The following CTSC variants were observed in gnomAD, a reference collection of about 807,000 sequenced individuals.
CTSC encodes the protein cathepsin C.
A neutral mutation model predicts 40.9 loss-of-function variants in CTSC; 37 were observed. The ratio of observed to expected loss-of-function variants is 0.91; its 90% CI spans 0.70 to 1.19. CTSC has a LOEUF of 1.19. Among genes scored for constraint, CTSC ranks in the 50% most tolerant of loss-of-function variants. The pLI, the probability that CTSC is intolerant of heterozygous loss-of-function variation, is 0.00. For missense variants in CTSC, 594 were observed against 567.3 expected (o/e 1.05, Z -0.48); for synonymous variants, 232 against 207.4 (o/e 1.12, Z -1.02).
chr11:88,312,634 A>G (rs573053375), intron 2 of CTSC, 80 bp from the exon 3 acceptor site: 3 of 1,430,992 alleles, frequency 2.1e-6, no homozygotes, highest in African/African-American at 2.1e-5. Context: ...TCTCATTCAC[A>G]GTAAATGTGC....
rs1944275442 is a variant in CTSC, at chr11:88,294,349, C to A, written c.1049G>T (p.Gly350Val). The A allele has an allele frequency of 6.2e-7, 1 of 1,614,118 alleles. No individual in the cohort carries two copies. Among genetic ancestry groups the A allele is most frequent in the Non-Finnish European group, 8.5e-7 (1 of 1,180,024 alleles). ...GGCTTCATTGCAGCCTCCATAGAAACCTCCTACATAGTGGTACTCAGAGGA... is the reference window on the plus strand; with the variant it reads ...GGCTTCATTGCAGCCTCCATAGAAAACTCCTACATAGTGGTACTCAGAGGA... ...YYSSEYHYVGGFYGGCNEALM... is the reference protein window; with the variant it reads ...YYSSEYHYVGVFYGGCNEALM... Residue 350 changes from glycine (G) to valine (V), a missense_variant, in exon 7 of 7, where the codon GGT becomes GTT. Transcript: ENST00000227266.
At chr11:88,316,305 T>A (rs1213009287) in intron 2 of CTSC, among the ~76,000 whole-genome samples, 1 of 152,112 alleles carries the variant, frequency 6.6e-6, no homozygotes, top group East Asian at 1.9e-4. Context: ...TTCAGTTTCC[T>A]CATCTTTAAA....
At chr11:88,324,674 T>A in intron 2 of CTSC, 1 of 984,914 alleles carries the variant, frequency 1.0e-6, no homozygotes, top group Non-Finnish European at 1.2e-6. Context: ...TGCTACCCAA[T>A]CACTCCATTA....
chr11:88,294,560 C>T (rs1176299286), intron 6 of CTSC, 52 bp from the exon 7 acceptor site: 2 of 1,603,068 alleles, frequency 1.2e-6, no homozygotes, highest in South Asian at 1.1e-5. Context: ...AGGATTATCC[C>T]ATTTTCTATT....
chr11:88,319,702 T>G (rs1025066086), intron 2 of CTSC, among the ~76,000 whole-genome samples: 1 of 152,164 alleles, frequency 6.6e-6, no homozygotes, highest in South Asian at 2.1e-4. Flanking sequence ...ATTTCACATT[T>G]TATAACAAAT....
chr11:88,296,755 C>A, intron 5 of CTSC: 1 of 200,082 alleles, frequency 5.0e-6, no homozygotes, highest in South Asian at 8.7e-5. Context: ...GGAGGTGGGG[C>A]CTTTGGGATT....
At chr11:88,307,696 T>C (rs145088127) in intron 4 of CTSC, among the ~76,000 whole-genome samples, 2 of 151,418 alleles carry the variant, frequency 1.3e-5, no homozygotes, top group Non-Finnish European at 2.9e-5. Flanking sequence ...CAAATGAAGA[T>C]GAAAAATGAA....
At chr11:88,334,681 C>G in intron 2 of CTSC, 1 of 417,252 alleles carries the variant, frequency 2.4e-6, no homozygotes, top group South Asian at 3.0e-5. Context: ...AGAATTTAGT[C>G]ATACTTACCA....
At position 88,334,884 on chromosome 11, in the gene CTSC, G is replaced by T. The variant is rs217076; in HGVS notation, c.318+53C>A. 0.78 allele frequency: 1,065,611 copies of T among 1,371,508 alleles called. 416,744 individuals carry two copies. The highest frequency in any genetic ancestry group is 1 in the East Asian group (43,697 of 43,724). 85.0% of individuals were successfully genotyped at this position (1,371,508 alleles called of 1,614,324 possible). A position where few individuals can be genotyped will look rare whatever the true frequency, so the allele number is the denominator to read the frequency against. ...TCTGAGGGTCTACTAATCAGAAGAG[G>T]TTTCAGATATCAAATCATTGAAAAT... On this transcript the variant is annotated intron_variant, in intron 2 of 6. Transcript: ENST00000227266.
rs182151488 is a variant in CTSC at position 88,301,394 on chromosome 11, T to C, written c.642-749A>G. Among the ~76,000 whole-genome samples, 151 of 152,304 alleles carry C rather than the reference T, an allele frequency of 9.9e-4. 1 individual carries two copies. Among genetic ancestry groups the C allele is most frequent in the Admixed American group, 1.8e-3 (28 of 15,304 alleles). ...ACCAATGGGAAACCTCTAGACGGTA[T>C]TGAAACCCCAGAAAATTCTGTAACC... is the stretch of plus-strand genomic sequence containing the variant. On this transcript the variant is annotated intron_variant, in intron 4 of 6. Coordinates refer to ENST00000227266, the MANE Select transcript of CTSC (RefSeq NM_001814.6).
chr11:88,337,180 G>T (rs1485250536), intron 1 of CTSC, among the ~76,000 whole-genome samples: 1 of 152,146 alleles, frequency 6.6e-6, no homozygotes, highest in Non-Finnish European at 1.5e-5. Flanking sequence ...TACCAGATCG[G>T]ACTGGAGAAC....
chr11:88,294,643 C>T, intron 6 of CTSC, 135 bp from the exon 7 acceptor site: 4 of 963,598 alleles, frequency 4.2e-6, no homozygotes, highest in African/African-American at 3.2e-5. Flanking sequence ...TCACTTCATT[C>T]ATCCATCCAT....
chr11:88,334,011 A>T (rs1431101315), intron 2 of CTSC, among the ~76,000 whole-genome samples: 1 of 152,226 alleles, frequency 6.6e-6, no homozygotes, highest in East Asian at 1.9e-4. Flanking sequence ...AACTCCCATG[A>T]GAAATTATAA....
chr11:88,306,585 AGAG>A (rs1470961931), intron 4 of CTSC, among the ~76,000 whole-genome samples: 5 of 152,314 alleles, frequency 3.3e-5, no homozygotes, highest in East Asian at 3.9e-4. Flanking sequence ...ATTTGAACCC[AGAG>A]GAGAACAGGA....
At chr11:88,309,347 T>TA in intron 3 of CTSC, 29 bp from the exon 4 acceptor site, 8 of 1,575,144 alleles carry the variant, frequency 5.1e-6, no homozygotes, top group Non-Finnish European at 7.0e-6. Flanking sequence ...TAATTTCAGA[T>TA]ATAGTCTTTA....
In CTSC at chr11:88,293,647, T is replaced by C. The variant is rs1477145785; in HGVS notation, c.*359A>G. On this transcript the variant is annotated 3_prime_UTR_variant, in exon 7 of 7. Coordinates refer to ENST00000227266, the MANE Select transcript of CTSC (RefSeq NM_001814.6). ...ATATGAGCATCTATTTTAAAAGTTT[T>C]GATAATTATTGCCATTATTTTCTTG... The C allele has an allele frequency of 4.1e-6, 1 of 241,574 alleles. No homozygotes were observed. Among genetic ancestry groups the C allele is most frequent in the Non-Finnish European group, 8.2e-6 (1 of 122,614 alleles). 15.0% of individuals were successfully genotyped at this position (241,574 alleles called of 1,614,324 possible).
chr11:88,318,256 A>G (rs890204811), intron 2 of CTSC, among the ~76,000 whole-genome samples: 9 of 152,234 alleles, frequency 5.9e-5, no homozygotes, highest in Non-Finnish European at 7.3e-5. Flanking sequence ...CTTTAAATCC[A>G]GTCTGTCACT....
At chr11:88,319,977 G>A (rs967188466) in intron 2 of CTSC, among the ~76,000 whole-genome samples, 5 of 152,026 alleles carry the variant, frequency 3.3e-5, no homozygotes, top group Admixed American at 1.3e-4. Context: ...ACCTCCATTT[G>A]CTGTCAGAAA....
intron 4 of CTSC, among the ~76,000 whole-genome samples, chr11:88,301,839 G>C (rs564303): frequency 0.12 from 18,419 of 147,658 alleles, 1,190 homozygotes; most frequent in East Asian, 0.22. Context: ...CACACACAGA[G>C]AGAGAACCAC....
Sources: allele counts gnomAD v4.1 joint callset (sites outside exome capture counted in the v4.1 genomes callset), GRCh38; gene constraint gnomAD v4.1.1; transcripts MANE v1.5; gene names NCBI Gene and HGNC (gene_info 2026-07-23, HGNC 2026-07-21).